Variants in EDA observed in about 807,000 individuals in gnomAD.
EDA encodes the protein ectodysplasin A, also known as ectodysplasin-A.
Under a neutral mutation model 23.6 loss-of-function variants are expected in EDA, and 2 were observed. That is an observed-to-expected ratio of 0.08 (90% CI 0.03 to 0.27). The LOEUF (loss-of-function observed/expected upper bound fraction) is 0.27. Among genes scored for constraint, EDA ranks in the 10% least tolerant of loss-of-function variants. EDA has a pLI of 1.00. For missense variants in EDA, 229 were observed against 324.2 expected (o/e 0.71, Z 2.26); for synonymous variants, 131 against 132.0 (o/e 0.99, Z 0.05).
At chrX:69,797,442 A>G (rs1472140749) in intron 1 of EDA, among the ~76,000 whole-genome samples, 1 of 111,876 alleles carries the variant, frequency 8.9e-6, no homozygotes. Context: ...GAATGGGATG[A>G]TATATTCAAA....
At chrX:69,893,998 C>T (rs2147634893) in intron 1 of EDA, among the ~76,000 whole-genome samples, 1 of 111,992 alleles carries the variant, frequency 8.9e-6, no homozygotes, top group South Asian at 3.7e-4. Flanking sequence ...CTTTGAGGTA[C>T]TATTGTCCAG....
At chrX:70,011,531 A>G (rs1195989457) in intron 2 of EDA, among the ~76,000 whole-genome samples, 1 of 110,401 alleles carries the variant, frequency 9.1e-6, no homozygotes, top group African/African-American at 3.3e-5. Flanking sequence ...GGGTTTCACC[A>G]TGTTGGCCAG....
chrX:69,882,722 G>A (rs901954901), intron 1 of EDA, among the ~76,000 whole-genome samples: 5 of 104,503 alleles, frequency 4.8e-5, no homozygotes, highest in African/African-American at 7.0e-5. Flanking sequence ...TTTTTTTTGA[G>A]ACGGAGTTTC....
chrX:69,726,234 G>A (rs1465859054), intron 1 of EDA, among the ~76,000 whole-genome samples: 1 of 112,148 alleles, frequency 8.9e-6, no homozygotes, highest in Non-Finnish European at 1.9e-5. Context: ...CAGATACAAT[G>A]CTTAGTAGTT....
chrX:69,767,203 C>A (rs1364480834), intron 1 of EDA, among the ~76,000 whole-genome samples: 2 of 111,676 alleles, frequency 1.8e-5, no homozygotes, highest in Non-Finnish European at 3.8e-5. Flanking sequence ...AATTATGCCA[C>A]ATTTTACTTA....
intron 1 of EDA, among the ~76,000 whole-genome samples, chrX:69,746,332 G>A: frequency 9.0e-6 from 1 of 111,451 alleles, no homozygotes; most frequent in Non-Finnish European, 1.9e-5. Flanking sequence ...AATTTTCTGA[G>A]GATGGTAATT....
At chrX:69,617,916 T>A (rs1308882412) in intron 1 of EDA, among the ~76,000 whole-genome samples, 1 of 96,126 alleles carries the variant, frequency 1.0e-5, no homozygotes, top group East Asian at 2.9e-4. Context: ...ATGTTAGGAC[T>A]GATACTTAAA....
chrX:69,679,100 T>C (rs552940263), intron 1 of EDA, among the ~76,000 whole-genome samples: 1 of 108,073 alleles, frequency 9.3e-6, no homozygotes, highest in African/African-American at 3.4e-5. Flanking sequence ...TTGTCTTTGG[T>C]TCTGTTTATA....
chrX:69,629,448 T>G (rs1174845935), intron 1 of EDA, among the ~76,000 whole-genome samples: 1 of 112,419 alleles, frequency 8.9e-6, no homozygotes, highest in East Asian at 2.8e-4. Flanking sequence ...GACTGAGTGT[T>G]ACATTCCTTT....
At chrX:69,644,131 A>G (rs1221933674) in intron 1 of EDA, among the ~76,000 whole-genome samples, 1 of 108,440 alleles carries the variant, frequency 9.2e-6, no homozygotes, top group African/African-American at 3.4e-5. Context: ...TTTTTTTTCT[A>G]ATTTTGTGAA....
At chrX:69,872,446 A>G (rs1393621071) in intron 1 of EDA, among the ~76,000 whole-genome samples, 1 of 112,073 alleles carries the variant, frequency 8.9e-6, no homozygotes, top group African/African-American at 3.2e-5. Flanking sequence ...CACTTAAAAG[A>G]TATAGAATGG....
intron 1 of EDA, among the ~76,000 whole-genome samples, chrX:69,698,133 C>A (rs1025687646): frequency 8.9e-6 from 1 of 111,912 alleles, no homozygotes; most frequent in Non-Finnish European, 1.9e-5. Context: ...TGATCCGTTG[C>A]GGAGGCCATT....
At chrX:69,893,098 A>G (rs896522865) in intron 1 of EDA, among the ~76,000 whole-genome samples, 1 of 111,262 alleles carries the variant, frequency 9.0e-6, no homozygotes, top group Non-Finnish European at 1.9e-5. Flanking sequence ...GTGGGTTCTG[A>G]AGGAGAATCT....
chrX:69,961,567 C>T (rs1187056374), intron 2 of EDA, among the ~76,000 whole-genome samples: 1 of 112,042 alleles, frequency 8.9e-6, no homozygotes, highest in Non-Finnish European at 1.9e-5. Flanking sequence ...CTTTCTGACT[C>T]ACCATTCAAG....
chrX:69,860,675 A>T (rs1330439469), intron 1 of EDA, among the ~76,000 whole-genome samples: 2 of 109,265 alleles, frequency 1.8e-5, no homozygotes, highest in Non-Finnish European at 3.8e-5. Context: ...CTTTCATTTC[A>T]ACCTTGGAAA....
chrX:70,022,310 CTTATT>C (rs200615364), intron 2 of EDA, among the ~76,000 whole-genome samples: 38 of 109,687 alleles, frequency 3.5e-4, no homozygotes, highest in African/African-American at 7.0e-4. Flanking sequence ...GTTGACATGT[CTTATT>C]TTATTTTATT....
At chrX:69,978,318 TAAAAAAAAAAAA>T (rs144187734) in intron 2 of EDA, among the ~76,000 whole-genome samples, 20 of 20,420 alleles carry the variant, frequency 9.8e-4, no homozygotes, top group African/African-American at 1.9e-3. Flanking sequence ...ACTCCATCTC[TAAAAAAAAAAAA>T]AAAAAAAAAA....
chrX:70,037,272 C>T lies in EDA; in HGVS notation c.*1663C>T, dbSNP rs1392422432. 3 of 111,837 alleles carry T rather than the reference C, an allele frequency of 2.7e-5. No individual in the cohort carries two copies. Among genetic ancestry groups the T allele is most frequent in the Non-Finnish European group, 5.6e-5 (3 of 53,178 alleles). The allele number at this position is 111,837 out of a possible 1,213,427, so 9.2% of individuals were successfully genotyped here. On this transcript the variant is annotated 3_prime_UTR_variant, in exon 8 of 8. Coordinates refer to ENST00000374552, the MANE Select transcript of EDA (RefSeq NM_001399.5). ...TGTGCCTTCCCTTTCTAAGCAACCA[C>T]ACTGCTTGGCCCTTCAAGGGTCAGG...
chrX:69,982,614 A>G (rs1478851421), intron 2 of EDA, among the ~76,000 whole-genome samples: 1 of 111,423 alleles, frequency 9.0e-6, no homozygotes, highest in African/African-American at 3.3e-5. Flanking sequence ...TGCTCTGCAG[A>G]TTTTTTTTCT....
Sources: gnomAD v4.1 joint callset for allele counts (sites outside exome capture counted in the v4.1 genomes callset) on GRCh38, gnomAD v4.1.1 for gene constraint, MANE v1.5 for transcripts, NCBI Gene and HGNC (gene_info 2026-07-23, HGNC 2026-07-21) for gene names.